The following EIF4G3 variants were observed in gnomAD, a reference collection of about 807,000 sequenced individuals.
EIF4G3 encodes eIF-4-gamma 3.
EIF4G3 carries 34 observed loss-of-function variants against 186.4 expected under a neutral mutation model. That is an observed-to-expected ratio of 0.18 (90% CI 0.14 to 0.24). The LOEUF is 0.24. Among genes scored for constraint, EIF4G3 ranks in the 10% least tolerant of loss-of-function variants. The pLI, the probability that EIF4G3 is intolerant of heterozygous loss-of-function variation, is 1.00. For synonymous variants in EIF4G3, 673 were observed against 679.5 expected, an observed-to-expected ratio of 0.99 and a Z score of 0.15; for missense variants, 1,536 against 1,948.5, an observed-to-expected ratio of 0.79 and a Z score of 3.99.
At chr1:20,943,974 TTGTGTGTG>T (rs1163268356) in intron 13 of EIF4G3, among the ~76,000 whole-genome samples, 12 of 62,468 alleles carry the variant, frequency 1.9e-4, no homozygotes, top group African/African-American at 5.5e-4. Flanking sequence ...TTTATTTTTT[TTGTGTGTG>T]TGTGTGTGTG....
intron 4 of EIF4G3, 90 bp from the exon 5 acceptor site, chr1:21,002,898 G>A: frequency 1.3e-6 from 1 of 741,642 alleles, no homozygotes; most frequent in Non-Finnish European, 2.2e-6. Flanking sequence ...GTTTACAGAA[G>A]TGGTTATTAA....
chr1:20,927,712 T>C (rs999600444), intron 14 of EIF4G3, among the ~76,000 whole-genome samples: 2 of 152,184 alleles, frequency 1.3e-5, no homozygotes, highest in Non-Finnish European at 2.9e-5. Context: ...GGGACCAAGT[T>C]ACAAACAAAG....
At chr1:21,069,770 G>T (rs1474568756) in intron 3 of EIF4G3, among the ~76,000 whole-genome samples, 1 of 152,204 alleles carries the variant, frequency 6.6e-6, no homozygotes, top group Non-Finnish European at 1.5e-5. Context: ...TTTACCGGGG[G>T]AGAGGAGGGG....
intron 3 of EIF4G3, among the ~76,000 whole-genome samples, chr1:21,075,483 C>T (rs1334695143): frequency 1.4e-5 from 2 of 142,842 alleles, no homozygotes; most frequent in Non-Finnish European, 3.0e-5. Context: ...GCAGGAGAAT[C>T]ACTGGAACCC....
At position 20,981,187 on chromosome 1, in the gene EIF4G3, A is replaced by G. The variant is rs542470895; in HGVS notation, c.239T>C (p.Ile80Thr). 6.2e-7 allele frequency: 1 copy of G among 1,613,144 alleles called. No homozygotes were observed. Among genetic ancestry groups the G allele is most frequent in the East Asian group, 2.2e-5 (1 of 44,840 alleles). The change falls in exon 9 of 37, where the codon ATC becomes ACC. Residue 80 changes from isoleucine (I) to threonine (T), a missense_variant. Ile to Thr is a moderately conservative substitution (Grantham distance 89). This residue lies in a region of EIF4G3 where 194 missense variants were observed against 212.8 expected (regional missense o/e 0.91). Transcript: ENST00000602326. ...RPQIQPPRAT[I>T]PNSSPSIRPG... ...ACGAATGGAAGGACTGCTGTTCGGG[A>G]TGGTAGCTCTAGGAGGCTGTATTTG...
intron 13 of EIF4G3, among the ~76,000 whole-genome samples, chr1:20,945,922 A>C (rs947209673): frequency 3.3e-5 from 5 of 152,230 alleles, no homozygotes; most frequent in African/African-American, 1.2e-4. Flanking sequence ...GGCTCTGAGT[A>C]ATCAGACACA....
intron 4 of EIF4G3, among the ~76,000 whole-genome samples, chr1:21,046,035 T>C (rs2093866437): frequency 1.3e-5 from 2 of 152,208 alleles, no homozygotes; most frequent in Non-Finnish European, 2.9e-5. Flanking sequence ...GTTGGAACTC[T>C]AAATTAGAGA....
At chr1:20,952,839 A>G (rs1437377180) in intron 12 of EIF4G3, among the ~76,000 whole-genome samples, 1 of 150,426 alleles carries the variant, frequency 6.6e-6, no homozygotes, top group African/African-American at 2.4e-5. Context: ...AACAAGAGCA[A>G]GGCTCCGTCT....
At chr1:21,105,219 T>A (rs552041544) in intron 2 of EIF4G3, among the ~76,000 whole-genome samples, 5 of 152,232 alleles carry the variant, frequency 3.3e-5, no homozygotes, top group African/African-American at 1.2e-4. Flanking sequence ...GGTCAGGAGT[T>A]CAAGACCAGC....
intron 29 of EIF4G3, among the ~76,000 whole-genome samples, chr1:20,842,064 G>C (rs2068799670): frequency 6.6e-6 from 1 of 152,104 alleles, no homozygotes; most frequent in South Asian, 2.1e-4. Context: ...AAAAATTAAA[G>C]AGTCATACAA....
chr1:21,040,355 C>A (rs1313928072), intron 4 of EIF4G3, among the ~76,000 whole-genome samples: 1 of 152,204 alleles, frequency 6.6e-6, no homozygotes, highest in African/African-American at 2.4e-5. Flanking sequence ...AAGCTCTGTG[C>A]CCCTTCCCCC....
At chr1:20,901,567 A>G (rs920145522) in intron 15 of EIF4G3, among the ~76,000 whole-genome samples, 4 of 152,170 alleles carry the variant, frequency 2.6e-5, no homozygotes, top group Non-Finnish European at 5.9e-5. Flanking sequence ...TCATATATAA[A>G]CAGAGGCTGT....
intron 23 of EIF4G3, 63 bp downstream of exon 23, chr1:20,862,165 C>T (rs1364117171): frequency 9.9e-7 from 1 of 1,011,160 alleles, no homozygotes. Context: ...ACATCCTTCC[C>T]CAACCCAATT....
At chr1:20,966,141 G>C (rs897530782) in intron 12 of EIF4G3, among the ~76,000 whole-genome samples, 1 of 152,112 alleles carries the variant, frequency 6.6e-6, no homozygotes, top group Non-Finnish European at 1.5e-5. Context: ...GACTTCCCTC[G>C]GTGATAGGGA....
chr1:20,916,653 A>G (rs759665239), intron 14 of EIF4G3, among the ~76,000 whole-genome samples: 57 of 152,300 alleles, frequency 3.7e-4, no homozygotes, highest in Admixed American at 1.5e-3. Flanking sequence ...AATGGCCAAA[A>G]CAACTTTGAA....
At chr1:21,176,050 G>A in intron 2 of EIF4G3, 125 bp downstream of exon 2, 1 of 259,338 alleles carries the variant, frequency 3.9e-6, no homozygotes, top group Non-Finnish European at 7.2e-6. Context: ...CGATGCAGGG[G>A]CTTGAGCCGC....
intron 2 of EIF4G3, among the ~76,000 whole-genome samples, chr1:21,154,681 A>G (rs2097608076): frequency 1.3e-5 from 2 of 152,194 alleles, no homozygotes; most frequent in Admixed American, 6.5e-5. Flanking sequence ...TTTTCATTCA[A>G]AGGCAGCCAA....
chr1:21,130,155 G>A (rs948368138), intron 2 of EIF4G3, among the ~76,000 whole-genome samples: 3 of 151,816 alleles, frequency 2.0e-5, no homozygotes, highest in African/African-American at 4.8e-5. Flanking sequence ...AGGACAAGGC[G>A]GGAGGATCAC....
intron 4 of EIF4G3, chr1:21,003,642 T>C (rs1021467270): frequency 4.4e-5 from 15 of 342,522 alleles, no homozygotes; most frequent in Non-Finnish European, 7.3e-5. Flanking sequence ...GAAACAAAAC[T>C]GACAGGATGA....
Sources: allele counts gnomAD v4.1 joint callset (sites outside exome capture counted in the v4.1 genomes callset), GRCh38; gene constraint gnomAD v4.1.1; regional missense constraint gnomAD v4.1.1; transcripts MANE v1.5; gene names NCBI Gene and HGNC (gene_info 2026-07-23, HGNC 2026-07-21).